Variants in DCDC1 observed in about 807,000 individuals in gnomAD.
DCDC1 encodes the protein doublecortin domain-containing protein 1.
Under a neutral mutation model 178.3 loss-of-function variants are expected in DCDC1, and 200 were observed. The observed-to-expected ratio is 1.12, with a 90% CI of 1.00 to 1.26. The LOEUF (loss-of-function observed/expected upper bound fraction) is 1.26, where lower values mean the gene tolerates loss of function less well. Among genes scored for constraint, DCDC1 ranks in the 50% most tolerant of loss-of-function variants. The pLI is 0.00. For synonymous variants in DCDC1, 690 were observed against 604.8 expected, an observed-to-expected ratio of 1.14 and a Z score of -2.07; for missense variants, 1,983 against 1,749.2, an observed-to-expected ratio of 1.13 and a Z score of -2.38.
At chr11:31,268,322 A>C (rs986837799) in intron 7 of DCDC1, among the ~76,000 whole-genome samples, 32 of 152,156 alleles carry the variant, frequency 2.1e-4, no homozygotes, top group Non-Finnish European at 4.0e-4. Context: ...GTAATTTAAA[A>C]AAATTATTTT....
intron 8 of DCDC1, among the ~76,000 whole-genome samples, chr11:31,252,317 T>C (rs1301596636): frequency 6.6e-6 from 1 of 152,144 alleles, no homozygotes; most frequent in East Asian, 1.9e-4. Flanking sequence ...ATAAAAATCT[T>C]AGAGGTAGAA....
At chr11:31,091,307 C>T in intron 17 of DCDC1, 86 bp downstream of exon 17, 1 of 583,964 alleles carries the variant, frequency 1.7e-6, no homozygotes, top group Non-Finnish European at 3.1e-6. Context: ...ATATTCAATC[C>T]AAACCAGGAG....
intron 22 of DCDC1, among the ~76,000 whole-genome samples, chr11:30,926,266 T>A (rs1223927064): frequency 6.6e-6 from 1 of 152,118 alleles, no homozygotes; most frequent in Admixed American, 6.6e-5. Context: ...GCTGAGTGTA[T>A]GGACATGAGG....
At position 31,357,671 on chromosome 11, in the gene DCDC1, T is replaced by C. The variant is rs1007605648; in HGVS notation, c.-125+12026A>G. Reference sequence around the variant, plus strand: ...TTGTCACTGTTTGCAGATGACATGATTGTATATCTAGAAAACCCCATTGTC... The same window carrying C: ...TTGTCACTGTTTGCAGATGACATGACTGTATATCTAGAAAACCCCATTGTC... On this transcript the variant is annotated intron_variant, in intron 1 of 38. Coordinates refer to ENST00000684477, the MANE Select transcript of DCDC1 (RefSeq NM_001387274.1). 3.3e-5 allele frequency among the ~76,000 whole-genome samples: 5 copies of C among 152,112 alleles called. 1 individual carries two copies. Among genetic ancestry groups the C allele is most frequent in the Admixed American group, 2.0e-4 (3 of 15,258 alleles).
rs762216092 is a variant in DCDC1, at chr11:30,911,395, C to T, written c.3679G>A (p.Asp1227Asn). ...GTCATAGACACTGCCAGCACAAGGTCAGGGTTACTCACAAGGTGAAAGGTC... is the reference window on the plus strand; with the variant it reads ...GTCATAGACACTGCCAGCACAAGGTTAGGGTTACTCACAAGGTGAAAGGTC... ...SRTFHLVSNP[D>N]LVLAVSMTKT... is the part of the protein sequence containing the mutation. Residue 1227 changes from aspartate to asparagine, a missense_variant, in exon 28 of 39, where the codon GAC becomes AAC. By Grantham distance (23) the Asp-to-Asn change is conservative. Transcript: ENST00000684477. 2 of 1,602,360 alleles carry T rather than the reference C, an allele frequency of 1.2e-6. No homozygotes were observed. The highest frequency in any genetic ancestry group is 4.5e-5 in the East Asian group (2 of 44,560).
intron 20 of DCDC1, among the ~76,000 whole-genome samples, chr11:30,964,745 A>G (rs968605982): frequency 5.9e-5 from 9 of 152,206 alleles, no homozygotes; most frequent in African/African-American, 2.2e-4. Context: ...ATTGCATTCA[A>G]GAATGTGGTT....
At chr11:31,147,309 G>T (rs1168610569) in intron 9 of DCDC1, among the ~76,000 whole-genome samples, 2 of 152,154 alleles carry the variant, frequency 1.3e-5, no homozygotes, top group Non-Finnish European at 2.9e-5. Context: ...AGCCTTCTAA[G>T]TTTAACTGTG....
intron 20 of DCDC1, among the ~76,000 whole-genome samples, chr11:30,967,296 T>C (rs1949490263): frequency 6.7e-6 from 1 of 150,054 alleles, no homozygotes. Flanking sequence ...TGGTTTGTAG[T>C]TCTCCTTGAA....
chr11:30,890,122 C>T (rs1943647891), intron 36 of DCDC1, among the ~76,000 whole-genome samples: 1 of 152,208 alleles, frequency 6.6e-6, no homozygotes, highest in Non-Finnish European at 1.5e-5. Context: ...ACCAACCCAG[C>T]TGGCACCTTG....
intron 26 of DCDC1, 63 bp downstream of exon 26, chr11:30,916,807 C>T (rs1282358946): frequency 1.3e-6 from 2 of 1,501,222 alleles, no homozygotes; most frequent in African/African-American, 1.4e-5. Flanking sequence ...ATATATGTGT[C>T]CCAAGGTGAG....
chr11:30,982,385 T>C (rs1239404875), intron 20 of DCDC1, among the ~76,000 whole-genome samples: 2 of 152,236 alleles, frequency 1.3e-5, no homozygotes, highest in Admixed American at 6.5e-5. Context: ...AAAACTTTCA[T>C]AACATTGCTT....
At chr11:31,091,293 A>G (rs1416654839) in intron 17 of DCDC1, 100 bp downstream of exon 17, 1 of 573,158 alleles carries the variant, frequency 1.7e-6, no homozygotes, top group African/African-American at 1.9e-5. Context: ...TAAACATTGA[A>G]TGAATATTCA....
At chr11:31,099,471 C>A (rs1044196019) in intron 15 of DCDC1, among the ~76,000 whole-genome samples, 3 of 152,136 alleles carry the variant, frequency 2.0e-5, no homozygotes, top group Non-Finnish European at 4.4e-5. Flanking sequence ...CCCAATAGAG[C>A]CTACCATTCT....
intron 9 of DCDC1, among the ~76,000 whole-genome samples, chr11:31,214,486 G>A (rs1438997776): frequency 6.6e-6 from 1 of 152,084 alleles, no homozygotes; most frequent in Non-Finnish European, 1.5e-5. Context: ...AATTATCAGT[G>A]GGCCTGAGAT....
At chr11:31,167,557 C>T (rs1316717590) in intron 9 of DCDC1, among the ~76,000 whole-genome samples, 1 of 152,148 alleles carries the variant, frequency 6.6e-6, no homozygotes, top group Non-Finnish European at 1.5e-5. Flanking sequence ...ACTATAATTG[C>T]TTTTTAAATG....
chr11:31,048,577 G>A (rs1185763669), intron 20 of DCDC1, among the ~76,000 whole-genome samples: 1 of 152,158 alleles, frequency 6.6e-6, no homozygotes, highest in Non-Finnish European at 1.5e-5. Flanking sequence ...CTGTCGGCTG[G>A]GCGCGGTGGC....
intron 38 of DCDC1, among the ~76,000 whole-genome samples, chr11:30,872,769 A>G (rs1318312073): frequency 6.6e-6 from 1 of 151,402 alleles, no homozygotes; most frequent in East Asian, 1.9e-4. Context: ...TGTCACCCCT[A>G]CCTCCCCTCC....
Position 31,050,046 on chromosome 11 carries a change from A to C in DCDC1, c.2591+14423T>G, listed in dbSNP as rs547320807. On this transcript the variant is annotated intron_variant, in intron 20 of 38. Coordinates refer to ENST00000684477, the MANE Select transcript of DCDC1 (RefSeq NM_001387274.1). ...GGTGAGAATCTGGCTTGCAGACTTC[A>C]CAGGTAGGGGAAGAACTAAAGCCCT... 2.6e-5 allele frequency among the ~76,000 whole-genome samples: 4 copies of C among 152,326 alleles called. 1 individual carries two copies. The highest frequency in any genetic ancestry group is 9.6e-5 in the African/African-American group (4 of 41,576).
chr11:31,324,558 A>C (rs1236997853), intron 3 of DCDC1, among the ~76,000 whole-genome samples: 3 of 152,138 alleles, frequency 2.0e-5, no homozygotes, highest in Admixed American at 6.6e-5. Context: ...TATGAACTGG[A>C]GAAAATATAA....
Sources: allele counts gnomAD v4.1 joint callset (sites outside exome capture counted in the v4.1 genomes callset), GRCh38; gene constraint gnomAD v4.1.1; transcripts MANE v1.5; gene names NCBI Gene and HGNC (gene_info 2026-07-23, HGNC 2026-07-21).